The following FANCD2 variants were observed in gnomAD, a reference collection of about 807,000 sequenced individuals.
FANCD2 encodes FA complementation group D2.
FANCD2 carries 131 observed loss-of-function variants against 192.3 expected under a neutral mutation model. That is an observed-to-expected ratio of 0.68 (90% CI 0.59 to 0.79). The LOEUF (loss-of-function observed/expected upper bound fraction) is 0.79. FANCD2 is among the 30% of genes least tolerant of loss of function. The pLI is 0.00. For missense variants in FANCD2, 1,508 were observed against 1,701.6 expected (o/e 0.89, Z 2.00); for synonymous variants, 524 against 612.5 (o/e 0.86, Z 2.13).
intron 18 of FANCD2, among the ~76,000 whole-genome samples, chr3:10,057,302 A>C (rs1460231324): frequency 1.3e-5 from 2 of 151,550 alleles, no homozygotes; most frequent in Non-Finnish European, 2.9e-5. Context: ...GTGTCCTTTG[A>C]TGCACTAAAG....
chr3:10,072,509 C>T (rs747512731), intron 26 of FANCD2, among the ~76,000 whole-genome samples: 132 of 152,208 alleles, frequency 8.7e-4, no homozygotes, highest in Non-Finnish European at 2.9e-4. Context: ...AAACTCCTGA[C>T]CTCAGGTGAT....
intron 33 of FANCD2, 74 bp from the exon 34 acceptor site, chr3:10,087,060 G>C (rs34197804): frequency 2.5e-5 from 38 of 1,540,482 alleles, no homozygotes; most frequent in Non-Finnish European, 3.0e-5. Flanking sequence ...ACTTGGGCAC[G>C]TCATGTGGAT....
At chr3:10,080,896 A>G (rs1427954918) in intron 30 of FANCD2, among the ~76,000 whole-genome samples, 1 of 152,114 alleles carries the variant, frequency 6.6e-6, no homozygotes, top group African/African-American at 2.4e-5. Context: ...CACTGTTCCT[A>G]CTCTACAAAA....
chr3:10,050,183 G>A (rs1402232841), intron 17 of FANCD2, among the ~76,000 whole-genome samples: 3 of 152,168 alleles, frequency 2.0e-5, no homozygotes, highest in Non-Finnish European at 4.4e-5. Flanking sequence ...AGATAACTCA[G>A]TAGGCTATAT....
At chr3:10,043,200 T>A (rs1226711285) in intron 12 of FANCD2, 50 bp downstream of exon 12, 1 of 1,381,246 alleles carries the variant, frequency 7.2e-7, no homozygotes, top group Admixed American at 1.7e-5. Context: ...GACATCCCAC[T>A]GTCAGAGTTA....
At position 10,049,391 on chromosome 3, in the gene FANCD2, A is replaced by G. The variant is rs778004562; in HGVS notation, c.1431A>G (p.Leu477=). ...CTGTATAGGAAGTGGTTGGTGCCTT[A>G]GTGACCCATATCTGCAGTGGGAATG... The part of the protein sequence containing the change: ...TYCQQEVVGA[L]VTHICSGNEA... Residue 477 remains leucine (L), a synonymous_variant, in exon 17 of 44, where the codon TTA becomes TTG. Transcript: ENST00000675286. The G allele has an allele frequency of 1.4e-5, 23 of 1,611,656 alleles. No individual in the cohort carries two copies. The highest frequency in any genetic ancestry group is 1.8e-5 in the Non-Finnish European group (21 of 1,178,914).
rs2086895075 is a variant in FANCD2 at position 10,042,673 on chromosome 3, T to C, written c.888+10T>C. 9.3e-6 allele frequency: 15 copies of C among 1,604,662 alleles called. No homozygotes were observed. The highest frequency in any genetic ancestry group is 1.3e-5 in the Non-Finnish European group (15 of 1,171,370). ...CATGGATACACTTGAGGTATGCTCTTATATCCCATCACACCTAGATAAAGC... is the reference window on the plus strand; with the variant it reads ...CATGGATACACTTGAGGTATGCTCTCATATCCCATCACACCTAGATAAAGC... On this transcript the variant is annotated intron_variant, in intron 11 of 43. Transcript: ENST00000675286.
intron 18 of FANCD2, among the ~76,000 whole-genome samples, chr3:10,055,798 C>G (rs984978912): frequency 9.3e-5 from 14 of 150,978 alleles, no homozygotes; most frequent in Non-Finnish European, 1.6e-4. Context: ...GGAGACAGAG[C>G]GAGACTCTGT....
Position 10,026,492 on chromosome 3 carries a change from G to T in FANCD2, c.-34+19G>T. The T allele has an allele frequency of 2.0e-6, 1 of 512,408 alleles. No homozygotes were observed. Among genetic ancestry groups the T allele is most frequent in the Non-Finnish European group, 2.5e-6 (1 of 395,636 alleles). The allele number at this position is 512,408 out of a possible 1,614,324, so 31.7% of individuals were successfully genotyped here. A position where few individuals can be genotyped will look rare whatever the true frequency, so the allele number is the denominator to read the frequency against. On this transcript the variant is annotated intron_variant, in intron 1 of 43. Coordinates refer to ENST00000675286, the MANE Select transcript of FANCD2 (RefSeq NM_001018115.3). ...CTTCTCGGTGAGTAAGTGGAGCAATGGTCGTAGTCTCTCGAGGCCCCGCTC... is the reference window on the plus strand; with the variant it reads ...CTTCTCGGTGAGTAAGTGGAGCAATTGTCGTAGTCTCTCGAGGCCCCGCTC...
chr3:10,082,935 A>C (rs966678621), intron 32 of FANCD2, among the ~76,000 whole-genome samples: 1 of 152,186 alleles, frequency 6.6e-6, no homozygotes, highest in Non-Finnish European at 1.5e-5. Flanking sequence ...GCAAATAAAC[A>C]TGTGAAAGGG....
At chr3:10,090,471 T>TC (rs1694528523) in intron 37 of FANCD2, 86 bp downstream of exon 37, 2 of 808,416 alleles carry the variant, frequency 2.5e-6, no homozygotes, top group East Asian at 3.0e-5. Flanking sequence ...TTTTTTTTTT[T>TC]CTGAGACAGA....
intron 17 of FANCD2, among the ~76,000 whole-genome samples, 192 bp downstream of exon 17, chr3:10,049,697 A>G (rs1446672791): frequency 1.3e-5 from 2 of 152,204 alleles, no homozygotes; most frequent in Non-Finnish European, 2.9e-5. Context: ...TGTGAATGTA[A>G]AGTAGGCCCT....
At chr3:10,078,424 G>A (rs942860335) in intron 30 of FANCD2, among the ~76,000 whole-genome samples, 9 of 151,584 alleles carry the variant, frequency 5.9e-5, no homozygotes, top group African/African-American at 1.2e-4. Context: ...GTGTGATCTC[G>A]GCTCACTGCA....
At chr3:10,047,450 A>T (rs2087054559) in intron 15 of FANCD2, among the ~76,000 whole-genome samples, 1 of 152,298 alleles carries the variant, frequency 6.6e-6, no homozygotes, top group Admixed American at 6.5e-5. Context: ...GTCTGGGTCC[A>T]TTAATGTCTA....
intron 1 of FANCD2, chr3:10,026,726 G>C (rs1575720097): frequency 6.8e-6 from 1 of 147,564 alleles, no homozygotes; most frequent in Admixed American, 6.7e-5. Flanking sequence ...TCTCACTTCT[G>C]TTGGGCTTTT....
intron 20 of FANCD2, among the ~76,000 whole-genome samples, chr3:10,063,484 G>C (rs1477479943): frequency 6.6e-6 from 1 of 152,188 alleles, no homozygotes; most frequent in African/African-American, 2.4e-5. Context: ...AGAGAGCCTT[G>C]CATGTAAAGC....
intron 40 of FANCD2, 70 bp from the exon 41 acceptor site, chr3:10,095,130 G>C: frequency 1.5e-6 from 2 of 1,302,296 alleles, no homozygotes; most frequent in Non-Finnish European, 2.2e-6. Context: ...GCTTTTGATT[G>C]CAAGGGTATC....
At position 10,093,303 on chromosome 3, in the gene FANCD2, G is replaced by A. The variant is rs1382613143; in HGVS notation, c.3868G>A (p.Val1290Ile). ...TCTCCAGGTATTTGATAGTCATCCTGTTCTGCATGTATGTTTGAAGGTGAG... is the reference window on the plus strand; with the variant it reads ...TCTCCAGGTATTTGATAGTCATCCTATTCTGCATGTATGTTTGAAGGTGAG... ...NLIKVFDSHP[V>I]LHVCLKYGRL... Residue 1290 changes from valine to isoleucine, a missense_variant, in exon 39 of 44, where the codon GTT (valine) becomes ATT (isoleucine). Val to Ile is a conservative substitution (Grantham distance 29). Coordinates refer to ENST00000675286, the MANE Select transcript of FANCD2 (RefSeq NM_001018115.3). 9 of 1,613,390 alleles carry A rather than the reference G, an allele frequency of 5.6e-6. No individual in the cohort carries two copies. The highest frequency in any genetic ancestry group is 1.3e-5 in the African/African-American group (1 of 74,908).
At chr3:10,085,494 C>T (rs1019170862) in intron 32 of FANCD2, among the ~76,000 whole-genome samples, 1 of 151,230 alleles carries the variant, frequency 6.6e-6, no homozygotes, top group East Asian at 1.9e-4. Flanking sequence ...CGAGTTCTAG[C>T]GATTCTTCTG....
Sources: gnomAD v4.1 joint callset for allele counts (sites outside exome capture counted in the v4.1 genomes callset) on GRCh38, gnomAD v4.1.1 for gene constraint, MANE v1.5 for transcripts, NCBI Gene and HGNC (gene_info 2026-07-23, HGNC 2026-07-21) for gene names.